The following PLXDC2 variants were observed in gnomAD, a reference collection of about 807,000 sequenced individuals.
PLXDC2 encodes the protein plexin domain-containing protein 2.
A neutral mutation model predicts 68.9 loss-of-function variants in PLXDC2; 40 were observed. The ratio of observed to expected loss-of-function variants is 0.58; its 90% CI spans 0.45 to 0.76. The LOEUF (loss-of-function observed/expected upper bound fraction) is 0.76. PLXDC2 is among the 30% of genes least tolerant of loss of function. PLXDC2 has a pLI of 0.00. For missense variants in PLXDC2, 644 were observed against 661.9 expected (o/e 0.97, Z 0.30); for synonymous variants, 243 against 234.2 (o/e 1.04, Z -0.34).
intron 13 of PLXDC2, among the ~76,000 whole-genome samples, chr10:20,247,617 A>C (rs1564366128): frequency 6.6e-6 from 1 of 151,930 alleles, no homozygotes; most frequent in African/African-American, 2.4e-5. Flanking sequence ...CTCTTCTGAA[A>C]CTCTATCTGC....
At chr10:19,847,231 G>A (rs2131322918) in intron 1 of PLXDC2, among the ~76,000 whole-genome samples, 2 of 152,276 alleles carry the variant, frequency 1.3e-5, no homozygotes, top group Admixed American at 1.3e-4. Flanking sequence ...ATAGGCTTTT[G>A]TATAAAGTGT....
intron 4 of PLXDC2, among the ~76,000 whole-genome samples, chr10:20,095,233 C>G (rs1833334589): frequency 6.6e-6 from 1 of 151,988 alleles, no homozygotes; most frequent in Non-Finnish European, 1.5e-5. Flanking sequence ...AAAAGCATGT[C>G]AGTTTAAACT....
intron 3 of PLXDC2, 62 bp downstream of exon 3, chr10:20,047,077 G>T: frequency 2.1e-6 from 3 of 1,453,744 alleles, no homozygotes; most frequent in Non-Finnish European, 2.8e-6. Flanking sequence ...GCTTTAATTG[G>T]CCTACAACCA....
intron 7 of PLXDC2, among the ~76,000 whole-genome samples, chr10:20,172,474 T>G (rs151213986): frequency 4.3e-4 from 65 of 152,298 alleles, no homozygotes; most frequent in African/African-American, 1.5e-3. Context: ...CGATTCTCTC[T>G]TTATTCCTTA....
chr10:19,898,132 T>C (rs577135812), intron 1 of PLXDC2, among the ~76,000 whole-genome samples: 2 of 152,308 alleles, frequency 1.3e-5, no homozygotes, highest in African/African-American at 4.8e-5. Flanking sequence ...CTTGAATCAT[T>C]CGCTCAATAA....
At chr10:19,997,812 C>G (rs550235376) in intron 1 of PLXDC2, among the ~76,000 whole-genome samples, 3 of 152,224 alleles carry the variant, frequency 2.0e-5, no homozygotes, top group East Asian at 3.9e-4. Context: ...GGGTTTCCTA[C>G]TCATGTTTAT....
chr10:20,203,118 C>T (rs1264604415), intron 9 of PLXDC2, among the ~76,000 whole-genome samples: 2 of 152,052 alleles, frequency 1.3e-5, no homozygotes, highest in African/African-American at 4.8e-5. Context: ...AAACTGAAAA[C>T]AGACTAGTTA....
chr10:20,201,578 T>A (rs987261886), intron 9 of PLXDC2, among the ~76,000 whole-genome samples: 1 of 152,040 alleles, frequency 6.6e-6, no homozygotes, highest in African/African-American at 2.4e-5. Context: ...TATATTGTAA[T>A]GTAGTTAACA....
At chr10:20,233,221 G>A (rs539424216) in intron 12 of PLXDC2, among the ~76,000 whole-genome samples, 4 of 151,702 alleles carry the variant, frequency 2.6e-5, no homozygotes, top group Admixed American at 1.3e-4. Context: ...GTTCCCTTGG[G>A]CTTTAAAACT....
At chr10:20,113,081 A>G (rs936706614) in intron 4 of PLXDC2, among the ~76,000 whole-genome samples, 3 of 152,202 alleles carry the variant, frequency 2.0e-5, no homozygotes, top group Non-Finnish European at 2.9e-5. Context: ...AGGCTTTGCA[A>G]TGGAGAATAC....
chr10:19,898,897 A>G (rs1040261152), intron 1 of PLXDC2, among the ~76,000 whole-genome samples: 1 of 152,210 alleles, frequency 6.6e-6, no homozygotes, highest in Non-Finnish European at 1.5e-5. Flanking sequence ...CTTGGAAGCT[A>G]CTTTATAGCC....
At chr10:20,060,787 A>G (rs10764188) in intron 3 of PLXDC2, among the ~76,000 whole-genome samples, 117,708 of 152,124 alleles carry the variant, frequency 0.77, 45,880 homozygotes, top group East Asian at 0.9. Flanking sequence ...AAGAGCAAAA[A>G]ACTGACAGTA....
intron 5 of PLXDC2, among the ~76,000 whole-genome samples, chr10:20,145,939 G>C (rs923119193): frequency 5.3e-5 from 8 of 152,028 alleles, no homozygotes; most frequent in African/African-American, 1.9e-4. Context: ...AATTTATATA[G>C]CCCTCTTATT....
intron 13 of PLXDC2, among the ~76,000 whole-genome samples, chr10:20,274,831 C>A (rs755768516): frequency 3.0e-4 from 41 of 136,110 alleles, no homozygotes; most frequent in Non-Finnish European, 5.2e-4. Context: ...ATACAATTGA[C>A]AAATAAAATA....
At chr10:20,179,900 CT>C (rs1834578368) in intron 9 of PLXDC2, among the ~76,000 whole-genome samples, 2 of 152,030 alleles carry the variant, frequency 1.3e-5, no homozygotes, top group Non-Finnish European at 2.9e-5. Context: ...GGAATCAAAC[CT>C]CCGTCTTTGT....
At chr10:20,201,633 C>T (rs1237907449) in intron 9 of PLXDC2, among the ~76,000 whole-genome samples, 1 of 151,806 alleles carries the variant, frequency 6.6e-6, no homozygotes, top group Non-Finnish European at 1.5e-5. Context: ...ATTGAATGTT[C>T]CTAACACAAA....
chr10:20,194,190 CTGTG>C (rs58142621), intron 9 of PLXDC2, among the ~76,000 whole-genome samples: 3,688 of 143,694 alleles, frequency 0.026, 90 homozygotes, highest in African/African-American at 0.066. Flanking sequence ...TTGAACTCAG[CTGTG>C]TGTGTGTGTG....
chr10:20,101,391 A>G (rs1379385580), intron 4 of PLXDC2, among the ~76,000 whole-genome samples: 2 of 152,190 alleles, frequency 1.3e-5, no homozygotes, highest in African/African-American at 4.8e-5. Flanking sequence ...TAAGGAATCT[A>G]CTGTCTAGAT....
intron 9 of PLXDC2, among the ~76,000 whole-genome samples, chr10:20,183,666 C>G (rs779461203): frequency 1.4e-4 from 21 of 151,874 alleles, no homozygotes; most frequent in Non-Finnish European, 2.7e-4. Context: ...TCCACAATAC[C>G]CAACACAGTG....
Sources: allele counts gnomAD v4.1 joint callset (sites outside exome capture counted in the v4.1 genomes callset), GRCh38; gene constraint gnomAD v4.1.1; transcripts MANE v1.5; gene names NCBI Gene and HGNC (gene_info 2026-07-23, HGNC 2026-07-21).